The following FGGY variants were observed in gnomAD, a reference collection of about 807,000 sequenced individuals.
FGGY encodes the protein FGGY carbohydrate kinase domain-containing protein.
A neutral mutation model predicts 71.3 loss-of-function variants in FGGY; 72 were observed. That is an observed-to-expected ratio of 1.01 (90% CI 0.84 to 1.23). The LOEUF is 1.23. FGGY is among the 50% of genes most tolerant of loss of function. The pLI is 0.00. For missense variants in FGGY, 668 were observed against 682.3 expected, an observed-to-expected ratio of 0.98 and a Z score of 0.23; for synonymous variants, 251 against 250.3, an observed-to-expected ratio of 1.00 and a Z score of -0.02.
At chr1:59,702,499 T>A (rs2097717906) in intron 14 of FGGY, among the ~76,000 whole-genome samples, 1 of 152,178 alleles carries the variant, frequency 6.6e-6, no homozygotes, top group South Asian at 2.1e-4. Flanking sequence ...TTCATCTTTA[T>A]CCTGAACATT....
chr1:59,722,748 C>G (rs1171915723), intron 14 of FGGY, among the ~76,000 whole-genome samples: 2 of 152,130 alleles, frequency 1.3e-5, no homozygotes, highest in African/African-American at 2.4e-5. Context: ...ATTTCCTGCT[C>G]CAGTTCTGGA....
chr1:59,587,269 C>T (rs1201066856), intron 8 of FGGY, among the ~76,000 whole-genome samples: 1 of 152,102 alleles, frequency 6.6e-6, no homozygotes, highest in Non-Finnish European at 1.5e-5. Context: ...CCCAGGCTTG[C>T]TTAGGTAAGC....
intron 5 of FGGY, among the ~76,000 whole-genome samples, chr1:59,390,322 T>C (rs970290248): frequency 6.6e-6 from 1 of 152,138 alleles, no homozygotes; most frequent in African/African-American, 2.4e-5. Context: ...AATATAGATA[T>C]ATGGAGTCTT....
intron 1 of FGGY, among the ~76,000 whole-genome samples, chr1:59,307,029 A>G (rs2043538711): frequency 6.6e-6 from 1 of 152,140 alleles, no homozygotes; most frequent in Admixed American, 6.5e-5. Context: ...AAAATGAAGA[A>G]TGAGGCCAAG....
Position 59,491,128 on chromosome 1 carries a change from TTC to T in FGGY, c.671-21182_671-21181del, listed in dbSNP as rs2093844018. Among the ~76,000 whole-genome samples the T allele has an allele frequency of 3.4e-5, 3 of 87,936 alleles. 1 individual carries two copies. Among genetic ancestry groups the T allele is most frequent in the African/African-American group, 1.1e-4 (2 of 18,160 alleles). The allele number at this position is 87,936 out of a possible 152,430, so 57.7% of individuals were successfully genotyped here. On this transcript the variant is annotated intron_variant, in intron 6 of 15. Coordinates refer to ENST00000303721, the MANE Select transcript of FGGY (RefSeq NM_018291.5). Reference sequence around the variant, plus strand: ...CTTCCCTCCTTCCCTCCTTCCTTCCTTCCTTCCTTCCTTCCTTTCTCTCTTTC... The same window carrying T: ...CTTCCCTCCTTCCCTCCTTCCTTCCTCTTCCTTCCTTCCTTTCTCTCTTTC...
chr1:59,483,907 C>A (rs1290241569), intron 6 of FGGY, among the ~76,000 whole-genome samples: 2 of 151,952 alleles, frequency 1.3e-5, no homozygotes, highest in South Asian at 2.1e-4. Context: ...ATGAAGGAAG[C>A]AGGGGTCTTG....
intron 6 of FGGY, among the ~76,000 whole-genome samples, chr1:59,470,668 C>G (rs1012734046): frequency 1.6e-4 from 25 of 152,268 alleles, no homozygotes; most frequent in African/African-American, 6.0e-4. Flanking sequence ...AGGTTTCCAC[C>G]AACAACATGC....
intron 5 of FGGY, among the ~76,000 whole-genome samples, chr1:59,431,867 G>A (rs2067428260): frequency 6.6e-6 from 1 of 152,154 alleles, no homozygotes; most frequent in Admixed American, 6.5e-5. Flanking sequence ...GTTCCTAACA[G>A]AGCTTCTAAA....
chr1:59,514,684 A>G (rs186571637), intron 7 of FGGY, among the ~76,000 whole-genome samples: 34 of 152,278 alleles, frequency 2.2e-4, no homozygotes, highest in Admixed American at 1.8e-3. Context: ...TTCTCGTGAT[A>G]GTGAATAAGT....
At chr1:59,534,948 A>C (rs370746068) in intron 7 of FGGY, among the ~76,000 whole-genome samples, 13 of 151,470 alleles carry the variant, frequency 8.6e-5, no homozygotes, top group Admixed American at 1.3e-4. Context: ...ACCAGCTAAC[A>C]TCATAATGAC....
chr1:59,530,147 G>A (rs566724049), intron 7 of FGGY, among the ~76,000 whole-genome samples: 5 of 151,944 alleles, frequency 3.3e-5, no homozygotes, highest in South Asian at 2.1e-4. Context: ...AAGTAGAGCC[G>A]TAAATCCTGA....
chr1:59,577,176 G>A (rs2096095208), intron 8 of FGGY, among the ~76,000 whole-genome samples: 1 of 152,160 alleles, frequency 6.6e-6, no homozygotes, highest in Non-Finnish European at 1.5e-5. Flanking sequence ...ACATATGAAG[G>A]AATAAATGAA....
At chr1:59,584,117 C>A (rs1288643662) in intron 8 of FGGY, among the ~76,000 whole-genome samples, 1 of 149,788 alleles carries the variant, frequency 6.7e-6, no homozygotes, top group African/African-American at 2.5e-5. Flanking sequence ...CCTTCTGAAA[C>A]TATTCCAGCC....
At position 59,574,284 on chromosome 1, in the gene FGGY, G is replaced by A. The variant is rs922631503; in HGVS notation, c.903+20057G>A. Among the ~76,000 whole-genome samples, 9 of 152,106 alleles carry A rather than the reference G, an allele frequency of 5.9e-5. No homozygotes were observed. In the East Asian group the frequency reaches 1.7e-3, roughly 29 times the overall value. ...CTTGGCTTGTGGCCACATCATTCCA[G>A]CCTTGCCTTCTGTGGTTTCATTGCC... is the stretch of plus-strand genomic sequence containing the variant. On this transcript the variant is annotated intron_variant, in intron 8 of 15. Transcript: ENST00000303721.
intron 5 of FGGY, among the ~76,000 whole-genome samples, chr1:59,398,060 T>G (rs946249112): frequency 6.6e-6 from 1 of 152,186 alleles, no homozygotes; most frequent in Non-Finnish European, 1.5e-5. Context: ...AGAAGCCAGC[T>G]GCTTCTTCTG....
intron 5 of FGGY, among the ~76,000 whole-genome samples, chr1:59,402,228 G>A (rs534930110): frequency 6.6e-6 from 1 of 152,312 alleles, no homozygotes; most frequent in South Asian, 2.1e-4. Flanking sequence ...ACAGTGTGGA[G>A]TGGACAGAGC....
intron 4 of FGGY, among the ~76,000 whole-genome samples, chr1:59,372,239 C>T (rs2057792500): frequency 6.6e-6 from 1 of 152,124 alleles, no homozygotes; most frequent in Non-Finnish European, 1.5e-5. Flanking sequence ...CACCACCGAT[C>T]CCACAGAAAT....
intron 6 of FGGY, among the ~76,000 whole-genome samples, chr1:59,458,014 A>G (rs1294376413): frequency 1.3e-5 from 2 of 152,212 alleles, no homozygotes; most frequent in African/African-American, 4.8e-5. Context: ...AATCAGAGAG[A>G]TTAGTAACCT....
intron 8 of FGGY, among the ~76,000 whole-genome samples, chr1:59,585,989 C>G (rs11590061): frequency 0.18 from 26,853 of 151,952 alleles, 2,878 homozygotes; most frequent in South Asian, 0.35. Flanking sequence ...AGTTAGAATG[C>G]CAATCATTAA....
Sources: allele counts gnomAD v4.1 joint callset (sites outside exome capture counted in the v4.1 genomes callset), GRCh38; gene constraint gnomAD v4.1.1; transcripts MANE v1.5; gene names NCBI Gene and HGNC (gene_info 2026-07-23, HGNC 2026-07-21).